ANO2: variants seen among roughly 807,000 people sequenced by gnomAD.
ANO2 encodes anoctamin 2.
In ANO2, 101 loss-of-function variants were observed where a neutral mutation model predicts 124.2. The observed-to-expected ratio is 0.81, with a 90% CI of 0.69 to 0.96. The LOEUF (loss-of-function observed/expected upper bound fraction) is 0.96, where lower values mean the gene tolerates loss of function less well. Among genes scored for constraint, ANO2 ranks in the 40% least tolerant of loss-of-function variants. ANO2 has a pLI of 0.00. For missense variants in ANO2, 1,293 were observed against 1,274.5 expected, an observed-to-expected ratio of 1.01 and a Z score of -0.22; for synonymous variants, 486 against 482.5, an observed-to-expected ratio of 1.01 and a Z score of -0.09.
At chr12:5,888,671 G>A (rs571660845) in intron 3 of ANO2, among the ~76,000 whole-genome samples, 12 of 152,078 alleles carry the variant, frequency 7.9e-5, no homozygotes, top group East Asian at 3.9e-4. Context: ...ACAGAGTGCC[G>A]ACTGGTGCAT....
At chr12:5,809,359 GAGGTTGAAGCATCAC>G (rs1372112489) in intron 7 of ANO2, among the ~76,000 whole-genome samples, 1 of 152,148 alleles carries the variant, frequency 6.6e-6, no homozygotes, top group Non-Finnish European at 1.5e-5. Flanking sequence ...GGCATGGATA[GAGGTTGAAGCATCAC>G]AGGCGGGTAA....
intron 15 of ANO2, among the ~76,000 whole-genome samples, chr12:5,640,051 G>T (rs994697029): frequency 2.6e-5 from 4 of 152,182 alleles, no homozygotes; most frequent in African/African-American, 9.7e-5. Flanking sequence ...ATTCAAAAAG[G>T]AAACTTTAGC....
chr12:5,871,241 C>T (rs1483576886), intron 3 of ANO2, among the ~76,000 whole-genome samples: 1 of 152,142 alleles, frequency 6.6e-6, no homozygotes, highest in African/African-American at 2.4e-5. Context: ...GTAAATCGGA[C>T]ACATAGGCCC....
chr12:5,932,675 A>G (rs1942461970), intron 1 of ANO2, among the ~76,000 whole-genome samples: 1 of 152,060 alleles, frequency 6.6e-6, no homozygotes, highest in South Asian at 2.1e-4. Flanking sequence ...GAAAGAAGGT[A>G]GACGAGTAAG....
At chr12:5,801,232 A>C (rs966488281) in intron 9 of ANO2, among the ~76,000 whole-genome samples, 23 of 152,202 alleles carry the variant, frequency 1.5e-4, no homozygotes, top group African/African-American at 5.3e-4. Flanking sequence ...ATATTTCTGC[A>C]GCAACTTTAG....
intron 16 of ANO2, among the ~76,000 whole-genome samples, chr12:5,616,501 T>C (rs531645541): frequency 2.6e-5 from 4 of 152,288 alleles, no homozygotes; most frequent in African/African-American, 4.8e-5. Context: ...ATTAGGCTTA[T>C]AGCACAGGGC....
chr12:5,645,305 C>T (rs1946574996), intron 15 of ANO2, among the ~76,000 whole-genome samples: 2 of 152,126 alleles, frequency 1.3e-5, no homozygotes, highest in African/African-American at 4.8e-5. Context: ...AGGAGAATCG[C>T]TTGAACCCGG....
intron 3 of ANO2, among the ~76,000 whole-genome samples, chr12:5,877,462 T>C (rs1938186430): frequency 2.0e-5 from 3 of 152,146 alleles, no homozygotes; most frequent in Admixed American, 1.3e-4. Context: ...CTTAGAAATA[T>C]GATTGGGTTG....
At chr12:5,873,344 C>T (rs771958079) in intron 3 of ANO2, among the ~76,000 whole-genome samples, 19 of 152,070 alleles carry the variant, frequency 1.2e-4, no homozygotes, top group African/African-American at 4.1e-4. Context: ...ACTAGGCCGG[C>T]GAAGCCACTG....
At chr12:5,627,682 T>G (rs34909368) in intron 16 of ANO2, among the ~76,000 whole-genome samples, 7,878 of 152,360 alleles carry the variant, frequency 0.052, 286 homozygotes, top group Middle Eastern at 0.078. Flanking sequence ...CATTTGTACC[T>G]GTGACACTGA....
intron 15 of ANO2, among the ~76,000 whole-genome samples, chr12:5,640,795 C>T (rs368181418): frequency 6.6e-5 from 10 of 152,096 alleles, no homozygotes; most frequent in African/African-American, 1.7e-4. Flanking sequence ...ACTAGTTCAA[C>T]GATTGTGGAA....
At chr12:5,935,262 C>T (rs992165214) in intron 1 of ANO2, among the ~76,000 whole-genome samples, 2 of 152,130 alleles carry the variant, frequency 1.3e-5, no homozygotes, top group African/African-American at 4.8e-5. Context: ...TGACCTGGTA[C>T]ATAATAATCT....
intron 7 of ANO2, among the ~76,000 whole-genome samples, chr12:5,825,750 G>A (rs768362900): frequency 3.9e-5 from 6 of 152,134 alleles, no homozygotes; most frequent in East Asian, 1.9e-4. Context: ...CAGGAGATTC[G>A]TTAGGGCATC....
intron 7 of ANO2, among the ~76,000 whole-genome samples, chr12:5,820,967 C>G (rs991299949): frequency 2.0e-5 from 3 of 152,242 alleles, no homozygotes; most frequent in African/African-American, 7.2e-5. Context: ...TTCCCTTCAG[C>G]TGGCAAGGCC....
chr12:5,780,475 G>A (rs1254581273), intron 10 of ANO2, among the ~76,000 whole-genome samples: 5 of 152,160 alleles, frequency 3.3e-5, no homozygotes, highest in East Asian at 3.9e-4. Context: ...AAACAGCAAC[G>A]TCTGATTTCT....
At chr12:5,927,140 C>T (rs915085287) in intron 1 of ANO2, among the ~76,000 whole-genome samples, 5 of 152,242 alleles carry the variant, frequency 3.3e-5, no homozygotes, top group African/African-American at 9.6e-5. Flanking sequence ...TCACCTGCCA[C>T]TTCCTCCTGG....
At chr12:5,587,508 T>C (rs1391778952) in intron 20 of ANO2, among the ~76,000 whole-genome samples, 2 of 152,150 alleles carry the variant, frequency 1.3e-5, no homozygotes, top group Admixed American at 1.3e-4. Context: ...GAAAACCCCA[T>C]GACAGGGCTG....
Position 5,787,619 on chromosome 12 carries a change from C to G in ANO2, c.1055+11888G>C, listed in dbSNP as rs1952576304. On this transcript the variant is annotated intron_variant, in intron 10 of 24. Coordinates refer to ENST00000682330, the MANE Select transcript of ANO2 (RefSeq NM_001364791.2). This position sits in a 1 kb window ranked among gnomAD's most constrained non-coding sequence, Gnocchi z 4.2. ...AGTTAGCAAATGCCAAGGGGTAGAACAGTGCCTGCCACACAGCAAACATCT... is the reference window on the plus strand; with the variant it reads ...AGTTAGCAAATGCCAAGGGGTAGAAGAGTGCCTGCCACACAGCAAACATCT... 6.6e-6 allele frequency among the ~76,000 whole-genome samples: 1 copy of G among 152,192 alleles called. No individual in the cohort carries two copies. Among genetic ancestry groups the G allele is most frequent in the Non-Finnish European group, 1.5e-5 (1 of 68,036 alleles).
At chr12:5,910,596 T>C (rs956853478) in intron 3 of ANO2, among the ~76,000 whole-genome samples, 1 of 152,160 alleles carries the variant, frequency 6.6e-6, no homozygotes, top group African/African-American at 2.4e-5. Flanking sequence ...AAAATAAAGA[T>C]GTAATTTTCT....
Sources: allele counts gnomAD v4.1 joint callset (sites outside exome capture counted in the v4.1 genomes callset), GRCh38; gene constraint gnomAD v4.1.1; non-coding constraint Gnocchi (gnomAD v3.1); transcripts MANE v1.5; gene names NCBI Gene and HGNC (gene_info 2026-07-23, HGNC 2026-07-21).